The following KRT1 variants were observed in gnomAD, a reference collection of about 807,000 sequenced individuals.
KRT1 encodes the protein keratin 1, also known as keratin, type II cytoskeletal 1.
Under a neutral mutation model 51.6 loss-of-function variants are expected in KRT1, and 28 were observed. The ratio of observed to expected loss-of-function variants is 0.54; its 90% CI spans 0.40 to 0.74. The LOEUF (loss-of-function observed/expected upper bound fraction) is 0.74, where lower values mean the gene tolerates loss of function less well. Ranked by LOEUF, KRT1 falls within the 30% of genes least tolerant of loss-of-function variation. The pLI is 0.00. For missense variants in KRT1, 783 were observed against 815.5 expected, an observed-to-expected ratio of 0.96 and a Z score of 0.49; for synonymous variants, 301 against 307.7, an observed-to-expected ratio of 0.98 and a Z score of 0.23.
chr12:52,677,035 G>A (rs1395029809), intron 6 of KRT1, 24 bp downstream of exon 6: 2 of 1,610,834 alleles, frequency 1.2e-6, no homozygotes, highest in Non-Finnish European at 1.7e-6. Flanking sequence ...ATACAGCTGA[G>A]TGGTAGAAGG....
At chr12:52,677,629 G>C (rs1174030979) in intron 4 of KRT1, 21 bp downstream of exon 4, 5 of 1,611,370 alleles carry the variant, frequency 3.1e-6, no homozygotes, top group Non-Finnish European at 4.2e-6. Context: ...AGATAAACTT[G>C]GTTGAAACTG....
At chr12:52,678,476 TA>T in intron 2 of KRT1, 65 bp downstream of exon 2, 2 of 1,479,638 alleles carry the variant, frequency 1.4e-6, no homozygotes, top group Non-Finnish European at 1.9e-6. Flanking sequence ...TTCATGATCT[TA>T]GCTTATTACT....
At chr12:52,676,985 G>A in intron 6 of KRT1, 74 bp downstream of exon 6, 2 of 1,583,106 alleles carry the variant, frequency 1.3e-6, no homozygotes, top group Non-Finnish European at 8.6e-7. Context: ...TTCAAAACTA[G>A]GAAAGCACTC....
At chr12:52,675,836 A>G (rs1030347708) in intron 7 of KRT1, 92 bp from the exon 8 acceptor site, 1 of 1,431,668 alleles carries the variant, frequency 7.0e-7, no homozygotes, top group Non-Finnish European at 9.7e-7. Context: ...GACTTTCCCC[A>G]TCTGGGTCTT....
rs1394335104 is a variant in KRT1 at position 52,675,427 on chromosome 12, G to A, written c.1701C>T (p.Gly567=). ...SSYGSGGGSY[G]SGGGGGGHGS... ...CATGGCCGCCGCCGCCACCTCCAGAGCCATAGCTGCCACCTCCGGAGCCGT... is the reference window on the plus strand; with the variant it reads ...CATGGCCGCCGCCGCCACCTCCAGAACCATAGCTGCCACCTCCGGAGCCGT... The change falls in exon 9 of 9, where the codon GGC becomes GGT. Residue 567 remains glycine (G), a synonymous_variant. Coordinates refer to ENST00000252244, the MANE Select transcript of KRT1 (RefSeq NM_006121.4). The A allele has an allele frequency of 3.3e-6, 5 of 1,502,664 alleles. No homozygotes were observed. The highest frequency in any genetic ancestry group is 2.2e-4 in the Middle Eastern group (1 of 4,610). 93.1% of individuals were successfully genotyped at this position (1,502,664 alleles called of 1,614,324 possible).
At position 52,677,039 on chromosome 12, in the gene KRT1, TAGA is replaced by T. The variant is rs1243396743; in HGVS notation, c.1254+17_1254+19del. The T allele has an allele frequency of 5.0e-6, 8 of 1,611,348 alleles. No individual in the cohort carries two copies. Among genetic ancestry groups the T allele is most frequent in the Non-Finnish European group, 5.9e-6 (7 of 1,180,000 alleles). On this transcript the variant is annotated intron_variant, in intron 6 of 8. Coordinates refer to ENST00000252244, the MANE Select transcript of KRT1 (RefSeq NM_006121.4). ...ACCCCCATTCCATACAGCTGAGTGGTAGAAGGAGAAAGCACATACCTGCTTCTT... is the reference window on the plus strand; with the variant it reads ...ACCCCCATTCCATACAGCTGAGTGGTAGGAGAAAGCACATACCTGCTTCTT...
rs1941488932 is a variant in KRT1, at chr12:52,675,501, C to T, written c.1627G>A (p.Gly543Ser). The change falls in exon 9 of 9, where the codon GGT becomes AGT. Residue 543 changes from glycine (G) to serine (S), a missense_variant. Coordinates refer to ENST00000252244, the MANE Select transcript of KRT1 (RefSeq NM_006121.4). ...GSGGGSYGSG[G>S]GGGGGRGSYG... ...CTGCCACGGCCGCCGCCGCCGCCAC[C>T]TCCAGAACCATAGCTACCACCTCCG... is the stretch of plus-strand genomic sequence containing the variant. 5 of 1,554,220 alleles carry T rather than the reference C, an allele frequency of 3.2e-6. No individual in the cohort carries two copies. Among genetic ancestry groups the T allele is most frequent in the Admixed American group, 1.7e-5 (1 of 57,488 alleles).
rs1026604011 is a variant in KRT1 at position 52,675,179 on chromosome 12, C to T, written c.*14G>A. 7 of 1,612,990 alleles carry T rather than the reference C, an allele frequency of 4.3e-6. No homozygotes were observed. The African/African-American group carries it at 8.0e-5, about 18-fold the overall frequency. ...TGGGGGAGAACTAGAGCTAATGAAA[C>T]AGAGGGCATCTCTTTATCTGGTTAC... is the stretch of plus-strand genomic sequence containing the variant. On this transcript the variant is annotated 3_prime_UTR_variant, in exon 9 of 9. Coordinates refer to ENST00000252244, the MANE Select transcript of KRT1 (RefSeq NM_006121.4).
In KRT1 at chr12:52,679,939, C is replaced by A; in HGVS notation, c.410G>T (p.Gly137Val). The change falls in exon 1 of 9, where the codon GGT (glycine) becomes GTT (valine). Residue 137 changes from glycine (G) to valine (V), a missense_variant. Physicochemically the swap from Gly to Val is moderately radical, Grantham distance 109. Transcript: ENST00000252244. ...GGFGGGGFGGGGYGGGYGPVC... is the reference protein window; with the variant it reads ...GGFGGGGFGGVGYGGGYGPVC... ...AGGACCATAACCACCCCCATATCCA[C>A]CACCCCCAAAGCCACCTCCACCAAA... The A allele has an allele frequency of 3.1e-6, 5 of 1,613,612 alleles. No individual in the cohort carries two copies. The highest frequency in any genetic ancestry group is 4.2e-6 in the Non-Finnish European group (5 of 1,179,812).
At position 52,675,738 on chromosome 12, in the gene KRT1, A is replaced by G. The variant is rs181516749; in HGVS notation, c.1482T>C (p.Ser494=). The part of the protein sequence containing the change: ...TLLEGEESRM[S]GECAPNVSVS... Reference sequence around the variant, plus strand: ...CACTCACGTTCGGGGCACATTCTCCAGACATCCTGTAGGAGAAAATAAGAA... The same window carrying G: ...CACTCACGTTCGGGGCACATTCTCCGGACATCCTGTAGGAGAAAATAAGAA... Residue 494 remains serine (S), a synonymous_variant, in exon 8 of 9, where the codon TCT becomes TCC. Transcript: ENST00000252244. 3.7e-6 allele frequency: 6 copies of G among 1,614,190 alleles called. No individual in the cohort carries two copies. In the Admixed American group the frequency reaches 8.3e-5, roughly 22 times the overall value.
In KRT1 at chr12:52,678,870, A is replaced by G. The variant is rs914408734; in HGVS notation, c.592-114T>C. 6.3e-5 allele frequency: 58 copies of G among 914,338 alleles called. No individual in the cohort carries two copies. The Middle Eastern group carries it at 9.5e-4, about 15-fold the overall frequency. 56.6% of individuals were successfully genotyped at this position (914,338 alleles called of 1,614,324 possible). A position where few individuals can be genotyped will look rare whatever the true frequency, so the allele number is the denominator to read the frequency against. On this transcript the variant is annotated intron_variant, in intron 1 of 8. Transcript: ENST00000252244. ...TTCCTATCTTCTGACCATGACAGAG[A>G]AATAGGAAGAAGATGATCAAGTTAA...
chr12:52,676,607 G>T, intron 6 of KRT1, 112 bp from the exon 7 acceptor site: 1 of 1,066,840 alleles, frequency 9.4e-7, no homozygotes. Flanking sequence ...AGAACCACTT[G>T]GCCTTAAGTC....
chr12:52,674,827 T>G lies in KRT1; in HGVS notation c.*366A>C. Reference sequence around the variant, plus strand: ...AAAAACAACTTGCTTACACCTTATGTACAAAACCAAAACAGCACAGAGATA... The same window carrying G: ...AAAAACAACTTGCTTACACCTTATGGACAAAACCAAAACAGCACAGAGATA... On this transcript the variant is annotated 3_prime_UTR_variant, in exon 9 of 9. Transcript: ENST00000252244. 2.6e-6 allele frequency: 1 copy of G among 390,836 alleles called. No homozygotes were observed. 24.2% of individuals were successfully genotyped at this position (390,836 alleles called of 1,614,324 possible).
Position 52,675,166 on chromosome 12 carries a change from A to C in KRT1, c.*27T>G. The C allele has an allele frequency of 6.2e-7, 1 of 1,612,086 alleles. No individual in the cohort carries two copies. The highest frequency in any genetic ancestry group is 8.5e-7 in the Non-Finnish European group (1 of 1,179,358). ...TTGTTAGTGATGCTGGGGGAGAACT[A>C]GAGCTAATGAAACAGAGGGCATCTC... On this transcript the variant is annotated 3_prime_UTR_variant, in exon 9 of 9. Coordinates refer to ENST00000252244, the MANE Select transcript of KRT1 (RefSeq NM_006121.4).
intron 2 of KRT1, 118 bp downstream of exon 2, chr12:52,678,424 T>G: frequency 8.8e-7 from 1 of 1,133,750 alleles, no homozygotes; most frequent in South Asian, 1.3e-5. Flanking sequence ...AATGTCAAAC[T>G]GATGTGCCTC....
At chr12:52,675,930 C>T (rs17117940) in intron 7 of KRT1, among the ~76,000 whole-genome samples, 186 bp from the exon 8 acceptor site, 18,140 of 152,102 alleles carry the variant, frequency 0.12, 1,465 homozygotes, top group Admixed American at 0.23. Flanking sequence ...AGTACAAACA[C>T]GGAGAAATTC....
At position 52,680,377 on chromosome 12, in the gene KRT1, T is replaced by C. The variant is rs181130130; in HGVS notation, c.-29A>G. Reference sequence around the variant, plus strand: ...GACTTAGAGAAAAGTAGGAGCAAGGTAGAGTAAGGGAAGGAGCTAAACACT... The same window carrying C: ...GACTTAGAGAAAAGTAGGAGCAAGGCAGAGTAAGGGAAGGAGCTAAACACT... On this transcript the variant is annotated 5_prime_UTR_variant, in exon 1 of 9. Transcript: ENST00000252244. The C allele has an allele frequency of 1.9e-5, 31 of 1,597,108 alleles. No homozygotes were observed. Among genetic ancestry groups the C allele is most frequent in the Admixed American group, 1.5e-4 (9 of 59,990 alleles).
intron 7 of KRT1, among the ~76,000 whole-genome samples, chr12:52,675,981 C>G (rs893053469): frequency 6.6e-6 from 1 of 152,154 alleles, no homozygotes; most frequent in Non-Finnish European, 1.5e-5. Flanking sequence ...AATGAAGGCC[C>G]CCTCTAAAGA....
intron 2 of KRT1, 81 bp downstream of exon 2, chr12:52,678,461 G>T (rs1661351725): frequency 3.7e-6 from 5 of 1,368,672 alleles, no homozygotes; most frequent in Non-Finnish European, 5.2e-6. Context: ...ATAGCTACAT[G>T]CTGCTTCATG....
Sources: gnomAD v4.1 joint callset for allele counts (sites outside exome capture counted in the v4.1 genomes callset) on GRCh38, gnomAD v4.1.1 for gene constraint, MANE v1.5 for transcripts, NCBI Gene and HGNC (gene_info 2026-07-23, HGNC 2026-07-21) for gene names.